PKHD1: variants seen among roughly 807,000 people sequenced by gnomAD.
PKHD1 encodes PKHD1 ciliary IPT domain containing fibrocystin/polyductin.
A neutral mutation model predicts 412.0 loss-of-function variants in PKHD1; 291 were observed. The ratio of observed to expected loss-of-function variants is 0.71; its 90% confidence interval spans 0.64 to 0.78. The LOEUF (loss-of-function observed/expected upper bound fraction) is 0.78, where lower values mean the gene tolerates loss of function less well. PKHD1 is among the 30% of genes least tolerant of loss of function. The pLI is 0.00. For synonymous variants in PKHD1, 1,777 were observed against 1,821.5 expected, an observed-to-expected ratio of 0.98 and a Z score of 0.62; for missense variants, 4,825 against 4,950.7, an observed-to-expected ratio of 0.97 and a Z score of 0.76.
chr6:51,903,798 T>C (rs1195846463), intron 42 of PKHD1, 71 bp from the exon 43 acceptor site: 1 of 1,115,136 alleles, frequency 9.0e-7, no homozygotes, highest in Non-Finnish European at 1.4e-6. Context: ...CCCTTGATTC[T>C]ACTAATACAC....
chr6:51,797,224 T>C (rs1419456095), intron 52 of PKHD1, among the ~76,000 whole-genome samples: 1 of 152,218 alleles, frequency 6.6e-6, no homozygotes, highest in Non-Finnish European at 1.5e-5. Context: ...TCCAATTATA[T>C]GATCAATTTT....
intron 50 of PKHD1, among the ~76,000 whole-genome samples, chr6:51,839,703 A>G (rs1769836343): frequency 6.6e-6 from 1 of 152,162 alleles, no homozygotes; most frequent in African/African-American, 2.4e-5. Context: ...ATAAGCACCC[A>G]TTTATTTAAA....
At chr6:51,629,590 C>A (rs1358696201) in intron 65 of PKHD1, among the ~76,000 whole-genome samples, 2 of 150,678 alleles carry the variant, frequency 1.3e-5, no homozygotes, top group Admixed American at 6.6e-5. Flanking sequence ...AAACAAAAAA[C>A]CAAGAAGAAG....
In PKHD1 at chr6:51,648,270, A is replaced by G. The variant is rs1310635392; in HGVS notation, c.11311-152T>C. 6.6e-6 allele frequency: 4 copies of G among 609,872 alleles called. No individual in the cohort carries two copies. In the East Asian group the frequency reaches 1.1e-4, roughly 17 times the overall value. 37.8% of individuals were successfully genotyped at this position (609,872 alleles called of 1,614,324 possible). On this transcript the variant is annotated intron_variant, in intron 62 of 66. Transcript: ENST00000371117. ...AAAGTGATAAATAAATGTCTTTCTC[A>G]TGTTAAGAATATATCAGAATTAACT...
intron 50 of PKHD1, among the ~76,000 whole-genome samples, chr6:51,837,664 G>A (rs765467454): frequency 6.6e-6 from 1 of 152,002 alleles, no homozygotes; most frequent in African/African-American, 2.4e-5. Flanking sequence ...CCAAGATCAC[G>A]CCACTGCACT....
chr6:51,940,831 C>T (rs1271331957), intron 36 of PKHD1, among the ~76,000 whole-genome samples: 8 of 151,504 alleles, frequency 5.3e-5, no homozygotes, highest in Admixed American at 2.0e-4. Flanking sequence ...TGGGTATTGA[C>T]GGCCAGGCTT....
chr6:51,898,106 G>A (rs1277927912), intron 43 of PKHD1, among the ~76,000 whole-genome samples: 164 of 151,546 alleles, frequency 1.1e-3, no homozygotes, highest in South Asian at 1.5e-3. Context: ...ACAGATCAAC[G>A]AGACAGAAAG....
chr6:51,817,625 G>A (rs56068656), intron 52 of PKHD1, among the ~76,000 whole-genome samples: 14,650 of 152,206 alleles, frequency 0.096, 807 homozygotes, highest in East Asian at 0.15. Flanking sequence ...CACCGATTAT[G>A]AATGAATGAG....
At chr6:52,042,581 G>A (rs992450234) in intron 27 of PKHD1, among the ~76,000 whole-genome samples, 1 of 152,182 alleles carries the variant, frequency 6.6e-6, no homozygotes. Context: ...ATCCCAGTGT[G>A]CATCAGTTCA....
chr6:51,685,127 C>T (rs898722086), intron 60 of PKHD1, among the ~76,000 whole-genome samples: 3 of 152,144 alleles, frequency 2.0e-5, no homozygotes, highest in East Asian at 1.9e-4. Context: ...CAATAGAAGC[C>T]GCCTTCTGGG....
intron 55 of PKHD1, among the ~76,000 whole-genome samples, chr6:51,755,550 G>C (rs541214398): frequency 9.2e-5 from 14 of 152,172 alleles, no homozygotes; most frequent in African/African-American, 3.4e-4. Context: ...AAACAATGAG[G>C]GTTGTGTTCA....
intron 35 of PKHD1, among the ~76,000 whole-genome samples, chr6:51,982,890 TAAAAA>T (rs761826670): frequency 5.3e-5 from 2 of 37,578 alleles, no homozygotes; most frequent in African/African-American, 9.7e-5. Flanking sequence ...TAAAATAAAA[TAAAAA>T]AAAGAGAGGC....
rs749952769 is a variant in PKHD1 at position 52,025,719 on chromosome 6, T to C, written c.4091A>G (p.Tyr1364Cys). 18 of 1,614,052 alleles carry C rather than the reference T, an allele frequency of 1.1e-5. No homozygotes were observed. The Admixed American group carries it at 1.2e-4, about 10-fold the overall frequency. The change falls in exon 32 of 67, where the codon TAT becomes TGT. Residue 1364 changes from tyrosine to cysteine, a missense_variant. Coordinates refer to ENST00000371117, the MANE Select transcript of PKHD1 (RefSeq NM_138694.4). Reference protein sequence around the residue: ...IPLHSLEAGIYPLQVRQKQMG... With the variant: ...IPLHSLEAGICPLQVRQKQMG... ...CTGCTTCTGACGTACTTGGAGAGGA[T>C]AGATGCCAGCCTCCAGACTGTGAAG...
intron 65 of PKHD1, 44 bp from the exon 66 acceptor site, chr6:51,627,160 A>T (rs757978173): frequency 1.9e-6 from 3 of 1,592,862 alleles, no homozygotes. Context: ...TTCAGTTGTA[A>T]GTGGGACCAT....
chr6:52,029,566 G>A (rs1399012033), intron 29 of PKHD1, among the ~76,000 whole-genome samples: 3 of 152,242 alleles, frequency 2.0e-5, no homozygotes, highest in African/African-American at 7.2e-5. Context: ...TGGGCAAGAT[G>A]AGAGTTGAAT....
intron 60 of PKHD1, among the ~76,000 whole-genome samples, chr6:51,728,939 A>G (rs1782911447): frequency 6.6e-6 from 1 of 152,208 alleles, no homozygotes; most frequent in Admixed American, 6.5e-5. Flanking sequence ...GCCTGGGGCC[A>G]AGTTTTTTAT....
chr6:51,670,151 A>G (rs916771639), intron 60 of PKHD1, among the ~76,000 whole-genome samples: 1 of 145,916 alleles, frequency 6.9e-6, no homozygotes, highest in Non-Finnish European at 1.5e-5. Context: ...GTGGGGTGTT[A>G]AAGTCTCCCA....
intron 52 of PKHD1, among the ~76,000 whole-genome samples, chr6:51,808,481 T>G (rs1007524583): frequency 6.0e-5 from 9 of 151,240 alleles, no homozygotes; most frequent in African/African-American, 2.2e-4. Flanking sequence ...AGTCATAATT[T>G]TATTTGAAAT....
At chr6:51,760,072 TG>T (rs144275377) in intron 55 of PKHD1, among the ~76,000 whole-genome samples, 2,595 of 152,220 alleles carry the variant, frequency 0.017, 71 homozygotes, top group African/African-American at 0.058. Context: ...CTCTTGCCAA[TG>T]AGTGCATAAG....
Sources: gnomAD v4.1 joint callset for allele counts (sites outside exome capture counted in the v4.1 genomes callset) on GRCh38, gnomAD v4.1.1 for gene constraint, MANE v1.5 for transcripts, NCBI Gene and HGNC (gene_info 2026-07-23, HGNC 2026-07-21) for gene names.